MBTD1: variants seen among roughly 807,000 people sequenced by gnomAD.
The protein encoded by MBTD1 is MBT domain-containing protein 1.
Under a neutral mutation model 87.8 loss-of-function variants are expected in MBTD1, and 24 were observed. The observed-to-expected ratio is 0.27, with a 90% CI of 0.20 to 0.38. The LOEUF (loss-of-function observed/expected upper bound fraction) is 0.38. Among genes scored for constraint, MBTD1 ranks in the 10% least tolerant of loss-of-function variants. MBTD1 has a pLI of 1.00. For synonymous variants in MBTD1, 237 were observed against 248.6 expected (o/e 0.95, Z 0.44); for missense variants, 436 against 760.2 (o/e 0.57, Z 5.02).
At chr17:51,242,201 GTATACACACATGTATGTGACATATA>G (rs1444778828) in intron 2 of MBTD1, among the ~76,000 whole-genome samples, 5 of 152,152 alleles carry the variant, frequency 3.3e-5, no homozygotes, top group African/African-American at 1.2e-4. Flanking sequence ...ACTGGACAAA[GTATACACACATGTATGTGACATATA>G]TATACACACA....
At chr17:51,256,728 G>C (rs892500563) in intron 2 of MBTD1, 1 of 152,168 alleles carries the variant, frequency 6.6e-6, no homozygotes, top group Non-Finnish European at 1.5e-5. Context: ...ACAACCACAT[G>C]TGGCTAGTGG....
At chr17:51,253,860 T>C (rs1455607020) in intron 2 of MBTD1, among the ~76,000 whole-genome samples, 1 of 152,154 alleles carries the variant, frequency 6.6e-6, no homozygotes, top group East Asian at 1.9e-4. Flanking sequence ...CTTATTGGTA[T>C]AACCAAACAA....
upstream of MBTD1, chr17:51,260,918 G>A (rs1396710788): frequency 3.8e-6 from 6 of 1,577,696 alleles, no homozygotes; most frequent in African/African-American, 6.9e-5. Flanking sequence ...GCGTCTGCGA[G>A]GCCCGAGGGT....
chr17:51,222,159 A>G (rs1016299213), intron 3 of MBTD1, among the ~76,000 whole-genome samples: 5 of 152,258 alleles, frequency 3.3e-5, no homozygotes, highest in Non-Finnish European at 7.3e-5. Context: ...CCATCAGGAC[A>G]GGAAACTTAT....
At chr17:51,242,617 G>T (rs1193875918) in intron 2 of MBTD1, among the ~76,000 whole-genome samples, 1 of 151,860 alleles carries the variant, frequency 6.6e-6, no homozygotes, top group Non-Finnish European at 1.5e-5. Flanking sequence ...TTCATTTTTT[G>T]GGGGGACTAC....
rs1215815751 is a variant in MBTD1, at chr17:51,179,744, T to C, written c.*832A>G. ...CAGATAGAGGGAAATGGCAGAGAACTGATCAGAATCCCTTTCGTGGGGTAT... is the reference window on the plus strand; with the variant it reads ...CAGATAGAGGGAAATGGCAGAGAACCGATCAGAATCCCTTTCGTGGGGTAT... On this transcript the variant is annotated 3_prime_UTR_variant, in exon 17 of 17. Coordinates refer to ENST00000586178, the MANE Select transcript of MBTD1 (RefSeq NM_017643.3). 6.6e-6 allele frequency: 1 copy of C among 151,574 alleles called. No homozygotes were observed. Among genetic ancestry groups the C allele is most frequent in the Non-Finnish European group, 1.5e-5 (1 of 67,896 alleles). The allele number at this position is 151,574 out of a possible 1,614,324, so 9.4% of individuals were successfully genotyped here. A position where few individuals can be genotyped will look rare whatever the true frequency, so the allele number is the denominator to read the frequency against.
chr17:51,205,717 G>A (rs2051783608), intron 7 of MBTD1, among the ~76,000 whole-genome samples: 1 of 152,134 alleles, frequency 6.6e-6, no homozygotes. Context: ...CTGGCATGTG[G>A]TATATGGTGC....
intron 6 of MBTD1, among the ~76,000 whole-genome samples, chr17:51,216,941 C>T (rs983038837): frequency 6.6e-6 from 1 of 151,996 alleles, no homozygotes; most frequent in African/African-American, 2.4e-5. Flanking sequence ...TGGCTCATAC[C>T]TGTAATCCCA....
intron 5 of MBTD1, among the ~76,000 whole-genome samples, chr17:51,218,115 TCTATTTACTC>T (rs1233498750): frequency 1.3e-5 from 2 of 152,168 alleles, no homozygotes; most frequent in Non-Finnish European, 2.9e-5. Context: ...TCTATTTACT[TCTATTTACTC>T]ACTTATTGCC....
chr17:51,190,750 A>AATATAT (rs1555677186), intron 16 of MBTD1, among the ~76,000 whole-genome samples: 1,552 of 39,558 alleles, frequency 0.039, 68 homozygotes, highest in African/African-American at 0.054. Flanking sequence ...AAAAAAAAAA[A>AATATAT]ATATATATAT....
At chr17:51,229,658 T>C (rs780438214) in intron 2 of MBTD1, among the ~76,000 whole-genome samples, 1 of 122,286 alleles carries the variant, frequency 8.2e-6, no homozygotes, top group Admixed American at 9.0e-5. Flanking sequence ...ATTTTTAGTA[T>C]ACTTTTTTTT....
rs562065770 is a variant in MBTD1 at position 51,235,600 on chromosome 17, C to T, written c.-48-10391G>A. On this transcript the variant is annotated intron_variant, in intron 2 of 16. Transcript: ENST00000586178. ...ACAGACCAAAGAGGAGCCATATAATCACCTTGAAATATGCAGAAAATGCAC... is the reference window on the plus strand; with the variant it reads ...ACAGACCAAAGAGGAGCCATATAATTACCTTGAAATATGCAGAAAATGCAC... Among the ~76,000 whole-genome samples the T allele has an allele frequency of 1.3e-4, 20 of 152,270 alleles. No individual in the cohort carries two copies. In the South Asian group the frequency reaches 3.9e-3, roughly 30 times the overall value.
chr17:51,259,030 G>A (rs954379435), intron 2 of MBTD1, 113 bp downstream of exon 2: 2 of 396,200 alleles, frequency 5.0e-6, no homozygotes, highest in African/African-American at 2.1e-5. Flanking sequence ...TGAGACTGAA[G>A]GGTCTAATAA....
rs2050188397 is a variant in MBTD1, at chr17:51,179,140, A to G, written c.*1436T>C. Reference sequence around the variant, plus strand: ...GGCTGAAGGACTGTAGAGGTTAATCATTTTGATTAATTTCTAATTAGCCCT... The same window carrying G: ...GGCTGAAGGACTGTAGAGGTTAATCGTTTTGATTAATTTCTAATTAGCCCT... On this transcript the variant is annotated 3_prime_UTR_variant, in exon 17 of 17. Coordinates refer to ENST00000586178, the MANE Select transcript of MBTD1 (RefSeq NM_017643.3). 6.6e-6 allele frequency: 1 copy of G among 152,076 alleles called. No homozygotes were observed. The highest frequency in any genetic ancestry group is 2.1e-4 in the South Asian group (1 of 4,834). The allele number at this position is 152,076 out of a possible 1,614,324, so 9.4% of individuals were successfully genotyped here. A position where few individuals can be genotyped will look rare whatever the true frequency, so the allele number is the denominator to read the frequency against.
chr17:51,207,400 G>A (rs1402935815), intron 6 of MBTD1, among the ~76,000 whole-genome samples: 1 of 152,102 alleles, frequency 6.6e-6, no homozygotes, highest in Non-Finnish European at 1.5e-5. Context: ...AGAGCAGAAA[G>A]AAAAACAATT....
chr17:51,221,907 C>T (rs1340503252), intron 3 of MBTD1, among the ~76,000 whole-genome samples: 1 of 152,136 alleles, frequency 6.6e-6, no homozygotes, highest in African/African-American at 2.4e-5. Flanking sequence ...GACAACTGTA[C>T]TTACTTACAA....
At chr17:51,240,535 G>A (rs2054104783) in intron 2 of MBTD1, among the ~76,000 whole-genome samples, 1 of 152,102 alleles carries the variant, frequency 6.6e-6, no homozygotes, top group African/African-American at 2.4e-5. Flanking sequence ...ATCAGGCTGG[G>A]GTTATGTTTT....
rs755652491 is a variant in MBTD1, at chr17:51,209,399, C to T, written c.487-2394G>A. On this transcript the variant is annotated intron_variant, in intron 6 of 16. Transcript: ENST00000586178. ...CACCACTTCCTGCTCCAGGGCCACT[C>T]GTGAGGGCTATCTGGGAGCGACTCT... 27 of 471,098 alleles carry T rather than the reference C, an allele frequency of 5.7e-5. 1 individual carries two copies. Among genetic ancestry groups the T allele is most frequent in the African/African-American group, 2.8e-4 (14 of 50,096 alleles). The allele number at this position is 471,098 out of a possible 1,614,324, so 29.2% of individuals were successfully genotyped here.
At chr17:51,211,206 G>A (rs1285493335) in intron 6 of MBTD1, among the ~76,000 whole-genome samples, 1 of 148,674 alleles carries the variant, frequency 6.7e-6, no homozygotes, top group South Asian at 2.2e-4. Context: ...ACAACGGAAA[G>A]ACAGGGCCAG....
Sources: allele counts gnomAD v4.1 joint callset (sites outside exome capture counted in the v4.1 genomes callset), GRCh38; gene constraint gnomAD v4.1.1; transcripts MANE v1.5; gene names NCBI Gene and HGNC (gene_info 2026-07-23, HGNC 2026-07-21).